Variants in HNF4A observed in about 807,000 individuals in gnomAD.
HNF4A encodes the protein hepatocyte nuclear factor 4 alpha, also known as hepatocyte nuclear factor 4-alpha.
A neutral mutation model predicts 52.4 loss-of-function variants in HNF4A; 15 were observed. The observed-to-expected ratio is 0.29, with a 90% CI of 0.19 to 0.44. The LOEUF (loss-of-function observed/expected upper bound fraction) is 0.44, where lower values mean the gene tolerates loss of function less well. HNF4A is among the 20% of genes least tolerant of loss of function. HNF4A has a pLI of 1.00. For synonymous variants in HNF4A, 280 were observed against 264.4 expected (o/e 1.06, Z -0.57); for missense variants, 479 against 647.2 (o/e 0.74, Z 2.82).
intron 1 of HNF4A, chr20:44,389,779 G>A (rs1046824002): frequency 1.3e-5 from 2 of 152,352 alleles, no homozygotes; most frequent in African/African-American, 4.8e-5. Context: ...GTAAAGCTTT[G>A]GGGGCTATGG....
chr20:44,374,363 G>A (rs762196675), intron 1 of HNF4A, among the ~76,000 whole-genome samples: 9 of 152,014 alleles, frequency 5.9e-5, no homozygotes, highest in African/African-American at 9.7e-5. Context: ...TTGAGGTTTT[G>A]TTCCCTTTTA....
intron 1 of HNF4A, among the ~76,000 whole-genome samples, chr20:44,403,967 G>A (rs1244441008): frequency 6.6e-6 from 1 of 152,134 alleles, no homozygotes; most frequent in Non-Finnish European, 1.5e-5. Context: ...AGGAGAGGCC[G>A]AGGGAGAAAG....
intron 1 of HNF4A, among the ~76,000 whole-genome samples, chr20:44,382,666 C>T (rs955181815): frequency 6.6e-6 from 1 of 152,156 alleles, no homozygotes; most frequent in African/African-American, 2.4e-5. Flanking sequence ...GACCTCTTAG[C>T]TCCTCTGACC....
chr20:44,364,897 A>C (rs1197569109), intron 1 of HNF4A, among the ~76,000 whole-genome samples: 1 of 152,236 alleles, frequency 6.6e-6, no homozygotes, highest in Non-Finnish European at 1.5e-5. Flanking sequence ...AGGTCACCCT[A>C]GCCCAGAAAG....
At chr20:44,368,255 C>T (rs1228352303) in intron 1 of HNF4A, among the ~76,000 whole-genome samples, 1 of 145,942 alleles carries the variant, frequency 6.9e-6, no homozygotes, top group African/African-American at 2.5e-5. Flanking sequence ...CAACCTCCAC[C>T]TCCTGGGTTC....
chr20:44,433,535 G>C (rs1191397902), downstream of HNF4A: 1 of 152,282 alleles, frequency 6.6e-6, no homozygotes, highest in Non-Finnish European at 1.5e-5. Flanking sequence ...TTAAAAATTA[G>C]CCAGGTATAG....
At chr20:44,366,508 C>A (rs1018755889) in intron 1 of HNF4A, among the ~76,000 whole-genome samples, 2 of 152,268 alleles carry the variant, frequency 1.3e-5, no homozygotes, top group South Asian at 4.1e-4. Flanking sequence ...GTAATCCCAG[C>A]TACTCAGGAG....
intron 5 of HNF4A, among the ~76,000 whole-genome samples, chr20:44,416,073 C>A (rs1277330573): frequency 6.6e-6 from 1 of 152,168 alleles, no homozygotes; most frequent in Non-Finnish European, 1.5e-5. Context: ...AGAGCATTCT[C>A]AGAGAGCAAT....
At chr20:44,415,722 C>T (rs3212198) in intron 5 of HNF4A, among the ~76,000 whole-genome samples, 78,097 of 152,074 alleles carry the variant, frequency 0.51, 20,626 homozygotes, top group Middle Eastern at 0.67. Flanking sequence ...CAAACTCCTT[C>T]GGCAAGATTC....
chr20:44,427,641 C>A, intron 8 of HNF4A, among the ~76,000 whole-genome samples: 1 of 152,098 alleles, frequency 6.6e-6, no homozygotes, highest in Non-Finnish European at 1.5e-5. Context: ...ATCTGCTAGG[C>A]CCTCAAAGAA....
intron 1 of HNF4A, among the ~76,000 whole-genome samples, chr20:44,381,725 C>T (rs945212797): frequency 1.3e-5 from 2 of 152,154 alleles, no homozygotes; most frequent in African/African-American, 4.8e-5. Flanking sequence ...ATTCTTGTGC[C>T]TCAGCCTCCC....
At chr20:44,388,271 G>T (rs980224403) in intron 1 of HNF4A, among the ~76,000 whole-genome samples, 3 of 149,324 alleles carry the variant, frequency 2.0e-5, no homozygotes, top group African/African-American at 5.0e-5. Context: ...TTTCATAATG[G>T]GTATGACATT....
chr20:44,414,681 G>GGTGGGCAGTA lies in HNF4A; in HGVS notation c.648+29_648+38dup. On this transcript the variant is annotated intron_variant, in intron 5 of 9. Transcript: ENST00000316099. ...CGACCAGGTGAGGATGGGCGTGGAT[G>GGTGGGCAGTA]GTGGGCAGTAGTGGGCAGTGGGCGG... The GGTGGGCAGTA allele has an allele frequency of 6.3e-7, 1 of 1,588,550 alleles. No homozygotes were observed. Among genetic ancestry groups the GGTGGGCAGTA allele is most frequent in the Non-Finnish European group, 8.6e-7 (1 of 1,166,832 alleles).
At chr20:44,377,415 C>T (rs761746028) in intron 1 of HNF4A, among the ~76,000 whole-genome samples, 7 of 152,110 alleles carry the variant, frequency 4.6e-5, no homozygotes, top group Non-Finnish European at 7.3e-5. Context: ...CAAACCTATA[C>T]GTGTACCTCC....
chr20:44,382,224 G>A (rs189658658), intron 1 of HNF4A, among the ~76,000 whole-genome samples: 1 of 148,194 alleles, frequency 6.7e-6, no homozygotes, highest in Non-Finnish European at 1.5e-5. Flanking sequence ...AAGGGGCATA[G>A]CTTTCTTTCT....
chr20:44,382,111 T>C (rs1228195443), intron 1 of HNF4A, among the ~76,000 whole-genome samples: 4 of 152,224 alleles, frequency 2.6e-5, no homozygotes, highest in African/African-American at 9.6e-5. Context: ...ATGGCACCAC[T>C]GATATTTCAA....
intron 7 of HNF4A, among the ~76,000 whole-genome samples, chr20:44,423,231 G>A (rs1218881845): frequency 6.6e-6 from 1 of 152,076 alleles, no homozygotes; most frequent in African/African-American, 2.4e-5. Flanking sequence ...CAGGAGAATC[G>A]CTTGAACCCA....
At chr20:44,377,484 C>T (rs902749458) in intron 1 of HNF4A, among the ~76,000 whole-genome samples, 5 of 152,112 alleles carry the variant, frequency 3.3e-5, no homozygotes, top group African/African-American at 4.8e-5. Context: ...CACATGCAGC[C>T]GGGCGCGGTA....
chr20:44,402,647 A>AT, intron 1 of HNF4A: 3 of 1,353,614 alleles, frequency 2.2e-6, no homozygotes, highest in Non-Finnish European at 3.0e-6. Context: ...ACAGGGAGGT[A>AT]GGGGAAAAGA....
Sources: gnomAD v4.1 joint callset for allele counts (sites outside exome capture counted in the v4.1 genomes callset) on GRCh38, gnomAD v4.1.1 for gene constraint, MANE v1.5 for transcripts, NCBI Gene and HGNC (gene_info 2026-07-23, HGNC 2026-07-21) for gene names.